Variants in FBN2 observed in about 807,000 individuals in gnomAD.
The protein encoded by FBN2 is fibrillin-2.
A neutral mutation model predicts 355.6 loss-of-function variants in FBN2; 105 were observed. The observed-to-expected ratio is 0.30, with a 90% CI of 0.25 to 0.35. The LOEUF (loss-of-function observed/expected upper bound fraction) is 0.35. Among genes scored for constraint, FBN2 ranks in the 10% least tolerant of loss-of-function variants. FBN2 has a pLI of 1.00. For synonymous variants in FBN2, 1,350 were observed against 1,301.2 expected (o/e 1.04, Z -0.81); for missense variants, 3,280 against 3,758.7 (o/e 0.87, Z 3.33).
intron 56 of FBN2, 27 bp downstream of exon 56, chr5:128,280,165 G>A: frequency 6.3e-7 from 1 of 1,587,664 alleles, no homozygotes; most frequent in Admixed American, 1.7e-5. Flanking sequence ...TATCTACCAA[G>A]TATAATATAT....
intron 25 of FBN2, among the ~76,000 whole-genome samples, chr5:128,340,237 G>T (rs1581227821): frequency 6.6e-6 from 1 of 152,120 alleles, no homozygotes; most frequent in Non-Finnish European, 1.5e-5. Context: ...TTATTTTGAT[G>T]AACTTAATTT....
intron 6 of FBN2, among the ~76,000 whole-genome samples, chr5:128,455,939 G>A (rs1470019704): frequency 7.4e-6 from 1 of 134,488 alleles, no homozygotes; most frequent in Non-Finnish European, 1.5e-5. Flanking sequence ...AGCTCCAGCT[G>A]CTGCTGTCTG....
At chr5:128,422,979 G>A (rs1435893858) in intron 7 of FBN2, among the ~76,000 whole-genome samples, 1 of 152,176 alleles carries the variant, frequency 6.6e-6, no homozygotes, top group Non-Finnish European at 1.5e-5. Context: ...TTGAAAAACA[G>A]TGAGCTAAGC....
rs111478377 is a variant in FBN2, at chr5:128,340,943, TAG to T, written c.3344-1884_3344-1883del. Among the ~76,000 whole-genome samples, 135 of 152,170 alleles carry T rather than the reference TAG, an allele frequency of 8.9e-4. 1 individual carries two copies. The highest frequency in any genetic ancestry group is 6.8e-3 in the Middle Eastern group (2 of 294). The stretch of plus-strand genomic sequence containing the variant: ...AAATGCTAGCTTTAAAGATACAGAA[TAG>T]AGAGGCAAGAGATGAAGCGCACCGG... On this transcript the variant is annotated intron_variant, in intron 25 of 64. Coordinates refer to ENST00000262464, the MANE Select transcript of FBN2 (RefSeq NM_001999.4).
At chr5:128,319,787 C>T (rs1236793649) in intron 34 of FBN2, among the ~76,000 whole-genome samples, 1 of 152,150 alleles carries the variant, frequency 6.6e-6, no homozygotes, top group African/African-American at 2.4e-5. Context: ...AGTTATCACT[C>T]CTCACTCAGG....
intron 7 of FBN2, among the ~76,000 whole-genome samples, chr5:128,443,981 G>A (rs978965935): frequency 7.3e-5 from 10 of 137,396 alleles, no homozygotes; most frequent in Admixed American, 5.9e-4. Context: ...TGTAGCAACT[G>A]TTTATAGTTT....
At chr5:128,266,056 CT>C (rs2126798152) in intron 62 of FBN2, among the ~76,000 whole-genome samples, 1 of 152,294 alleles carries the variant, frequency 6.6e-6, no homozygotes, top group Admixed American at 6.5e-5. Context: ...GCGTTTTGTC[CT>C]AATTCTTTTG....
intron 55 of FBN2, among the ~76,000 whole-genome samples, chr5:128,282,488 C>T (rs904150930): frequency 4.6e-4 from 70 of 151,572 alleles, no homozygotes; most frequent in African/African-American, 1.6e-3. Flanking sequence ...TAAAAGCGTT[C>T]TTGGAAGAAC....
At position 128,345,400 on chromosome 5, in the gene FBN2, A is replaced by G; in HGVS notation, c.3174T>C (p.Phe1058=). 6.2e-7 allele frequency: 1 copy of G among 1,614,200 alleles called. No homozygotes were observed. Among genetic ancestry groups the G allele is most frequent in the Non-Finnish European group, 8.5e-7 (1 of 1,180,032 alleles). ...YETLCPRGAG[F]ANRGDVLTGR... The stretch of plus-strand genomic sequence containing the variant: ...CAGTAAGAACATCCCCTCGGTTAGC[A>G]AAGCCAGCCCCGCGGGGGCACAGCG... The change falls in exon 24 of 65, where the codon TTT becomes TTC. Residue 1058 remains phenylalanine (F), a synonymous_variant. Coordinates refer to ENST00000262464, the MANE Select transcript of FBN2 (RefSeq NM_001999.4).
intron 62 of FBN2, among the ~76,000 whole-genome samples, chr5:128,269,845 C>A (rs1336025031): frequency 6.6e-6 from 1 of 151,766 alleles, no homozygotes; most frequent in Non-Finnish European, 1.5e-5. Context: ...ATCAAACTAC[C>A]ATAAATTTCA....
chr5:128,481,748 CA>C (rs1397986684), intron 5 of FBN2, among the ~76,000 whole-genome samples: 1 of 151,820 alleles, frequency 6.6e-6, no homozygotes. Context: ...TAATTATTTA[CA>C]AAAAAATACT....
chr5:128,449,884 G>A (rs1462324275), intron 6 of FBN2, among the ~76,000 whole-genome samples: 7 of 152,040 alleles, frequency 4.6e-5, no homozygotes, highest in African/African-American at 4.8e-5. Flanking sequence ...GAATGGCTAT[G>A]TTAATACTAT....
intron 58 of FBN2, 52 bp from the exon 59 acceptor site, chr5:128,276,212 A>G: frequency 6.3e-7 from 1 of 1,575,368 alleles, no homozygotes; most frequent in Non-Finnish European, 8.7e-7. Flanking sequence ...AAACAACCAG[A>G]CTCTTTCCTC....
chr5:128,314,502 G>C (rs1352220679), intron 36 of FBN2, among the ~76,000 whole-genome samples: 1 of 151,888 alleles, frequency 6.6e-6, no homozygotes, highest in Non-Finnish European at 1.5e-5. Flanking sequence ...ATTTTTAGTA[G>C]AGACGGGGTT....
At chr5:128,325,177 C>T (rs570075525) in intron 34 of FBN2, among the ~76,000 whole-genome samples, 12 of 152,218 alleles carry the variant, frequency 7.9e-5, no homozygotes, top group South Asian at 2.1e-4. Flanking sequence ...TTTTCTGTCT[C>T]GTTGATCTGT....
chr5:128,434,394 G>GTATATATATATATGTATATA lies in FBN2; in HGVS notation c.952+12086_952+12087insTATATACATATATATATATA, dbSNP rs1554068953. Among the ~76,000 whole-genome samples the GTATATATATATATGTATATA allele has an allele frequency of 4.4e-4, 40 of 91,666 alleles. 4 individuals carry two copies. Among genetic ancestry groups the GTATATATATATATGTATATA allele is most frequent in the African/African-American group, 1.1e-3 (18 of 16,578 alleles). 60.1% of individuals were successfully genotyped at this position (91,666 alleles called of 152,430 possible). A position where few individuals can be genotyped will look rare whatever the true frequency, so the allele number is the denominator to read the frequency against. On this transcript the variant is annotated intron_variant, in intron 7 of 64. Transcript: ENST00000262464. ...CAATGCCTGGCAGTGAATAAAGTGT[G>GTATATATATATATGTATATA]TATATATATATATATATATATATAT... is the stretch of plus-strand genomic sequence containing the variant.
At chr5:128,414,958 T>C (rs1421910741) in intron 7 of FBN2, among the ~76,000 whole-genome samples, 1 of 152,180 alleles carries the variant, frequency 6.6e-6, no homozygotes, top group African/African-American at 2.4e-5. Context: ...CTTTGCCCAG[T>C]TTTTAATTAA....
At chr5:128,350,444 G>A (rs1215729857) in intron 21 of FBN2, among the ~76,000 whole-genome samples, 2 of 152,152 alleles carry the variant, frequency 1.3e-5, no homozygotes, top group South Asian at 2.1e-4. Context: ...CCAGCTACTC[G>A]GGAAGCTGAG....
chr5:128,425,407 G>A (rs139300251), intron 7 of FBN2, among the ~76,000 whole-genome samples: 1,884 of 152,190 alleles, frequency 0.012, 12 homozygotes, highest in Non-Finnish European at 0.02. Context: ...CAAAAGTCAG[G>A]AAATTCCAAA....
Sources: allele counts gnomAD v4.1 joint callset (sites outside exome capture counted in the v4.1 genomes callset), GRCh38; gene constraint gnomAD v4.1.1; transcripts MANE v1.5; gene names NCBI Gene and HGNC (gene_info 2026-07-23, HGNC 2026-07-21).